HACD2: variants seen among roughly 807,000 people sequenced by gnomAD.
HACD2 encodes the protein very-long-chain (3R)-3-hydroxyacyl-CoA dehydratase 2.
Under a neutral mutation model 31.0 loss-of-function variants are expected in HACD2, and 15 were observed. That is an observed-to-expected ratio of 0.48 (90% CI 0.32 to 0.75). The LOEUF (loss-of-function observed/expected upper bound fraction) is 0.75, where lower values mean the gene tolerates loss of function less well. Ranked by LOEUF, HACD2 falls within the 30% of genes least tolerant of loss-of-function variation. The pLI, the probability that HACD2 is intolerant of heterozygous loss-of-function variation, is 0.03. For missense variants in HACD2, 283 were observed against 313.0 expected (o/e 0.90, Z 0.72); for synonymous variants, 115 against 122.2 (o/e 0.94, Z 0.39).
intron 3 of HACD2, among the ~76,000 whole-genome samples, chr3:123,550,367 T>C (rs539495296): frequency 5.3e-5 from 8 of 149,816 alleles, no homozygotes; most frequent in African/African-American, 1.5e-4. Flanking sequence ...AAAAGAGAAA[T>C]GGAGAAAATG....
At chr3:123,513,451 G>A (rs1404297849) in intron 4 of HACD2, among the ~76,000 whole-genome samples, 1 of 152,214 alleles carries the variant, frequency 6.6e-6, no homozygotes, top group Non-Finnish European at 1.5e-5. Flanking sequence ...GTCACCAGGA[G>A]TGGGAAGGGT....
intron 2 of HACD2, among the ~76,000 whole-genome samples, chr3:123,575,720 C>A (rs903962479): frequency 5.3e-5 from 8 of 152,210 alleles, no homozygotes; most frequent in African/African-American, 1.9e-4. Context: ...TATCCAGGAA[C>A]CTAATATTTC....
intron 3 of HACD2, among the ~76,000 whole-genome samples, chr3:123,567,233 C>T (rs2056801630): frequency 6.6e-6 from 1 of 152,094 alleles, no homozygotes; most frequent in Non-Finnish European, 1.5e-5. Context: ...GATGACTCGC[C>T]CCTCCCCACA....
At position 123,493,734 on chromosome 3, in the gene HACD2, C is replaced by G. The variant is rs2055796239; in HGVS notation, c.*1154G>C. On this transcript the variant is annotated 3_prime_UTR_variant, in exon 7 of 7. Coordinates refer to ENST00000383657, the MANE Select transcript of HACD2 (RefSeq NM_198402.5). ...ATTAGACAATGTCGGTAGTACCAAACTATTTCTTGGCTGCTCCAACATGCG... is the reference window on the plus strand; with the variant it reads ...ATTAGACAATGTCGGTAGTACCAAAGTATTTCTTGGCTGCTCCAACATGCG... 6.6e-6 allele frequency: 1 copy of G among 152,152 alleles called. No homozygotes were observed. The highest frequency in any genetic ancestry group is 6.5e-5 in the Admixed American group (1 of 15,280). The allele number at this position is 152,152 out of a possible 1,614,324, so 9.4% of individuals were successfully genotyped here.
At chr3:123,510,641 C>T (rs937614802) in intron 4 of HACD2, among the ~76,000 whole-genome samples, 31 of 152,138 alleles carry the variant, frequency 2.0e-4, no homozygotes, top group Admixed American at 4.6e-4. Context: ...TGTCATTGTA[C>T]GTATATACTA....
intron 3 of HACD2, among the ~76,000 whole-genome samples, chr3:123,550,715 C>T (rs1469671755): frequency 2.0e-5 from 3 of 152,112 alleles, no homozygotes; most frequent in Non-Finnish European, 4.4e-5. Flanking sequence ...TCTGTGGTGT[C>T]TGCAGAGGAA....
intron 3 of HACD2, among the ~76,000 whole-genome samples, chr3:123,530,471 C>T (rs1056985733): frequency 6.8e-6 from 1 of 146,694 alleles, no homozygotes. Context: ...TGCTGTGGGG[C>T]GATCTCAGCT....
intron 3 of HACD2, among the ~76,000 whole-genome samples, chr3:123,560,255 G>T (rs149259734): frequency 2.5e-3 from 383 of 152,320 alleles, no homozygotes; most frequent in African/African-American, 8.6e-3. Context: ...AGCTGGTCTG[G>T]TCTGAAGCGC....
intron 4 of HACD2, among the ~76,000 whole-genome samples, chr3:123,515,560 G>A (rs955755446): frequency 6.6e-6 from 1 of 152,056 alleles, no homozygotes; most frequent in Non-Finnish European, 1.5e-5. Flanking sequence ...TCAGCTGAGG[G>A]CTTGGGCTCG....
chr3:123,540,152 A>G (rs2056472775), intron 3 of HACD2, among the ~76,000 whole-genome samples: 1 of 151,360 alleles, frequency 6.6e-6, no homozygotes, highest in South Asian at 2.1e-4. Context: ...CCGTGTTCCT[A>G]TATATTAATG....
Position 123,507,993 on chromosome 3 carries a change from T to C in HACD2, c.382-5312A>G, listed in dbSNP as rs79043307. Among the ~76,000 whole-genome samples the C allele has an allele frequency of 0.025, 3,721 of 148,866 alleles. 239 individuals carry two copies. In the East Asian group the frequency reaches 0.26, roughly 10 times the overall value. On this transcript the variant is annotated intron_variant, in intron 4 of 6. Transcript: ENST00000383657. ...CTGTGCAACATAGTGAGACCCCCCC[T>C]CTCTTAAAAAAAGAAAAAAAAAGGA...
At chr3:123,515,495 C>T (rs1010437092) in intron 4 of HACD2, among the ~76,000 whole-genome samples, 1 of 152,094 alleles carries the variant, frequency 6.6e-6, no homozygotes, top group Non-Finnish European at 1.5e-5. Flanking sequence ...GCTGGAACAG[C>T]CTTGGGTGGG....
chr3:123,500,100 G>A (rs2055883962), intron 6 of HACD2, among the ~76,000 whole-genome samples: 1 of 152,174 alleles, frequency 6.6e-6, no homozygotes, highest in Admixed American at 6.5e-5. Flanking sequence ...GAAGTTAAAT[G>A]TCTATTTTGA....
At chr3:123,509,957 T>A (rs1347143903) in intron 4 of HACD2, among the ~76,000 whole-genome samples, 1 of 152,196 alleles carries the variant, frequency 6.6e-6, no homozygotes, top group African/African-American at 2.4e-5. Flanking sequence ...CATCTTACCA[T>A]CATTTTAATA....
chr3:123,559,800 C>T (rs1327067814), intron 3 of HACD2, among the ~76,000 whole-genome samples: 2 of 152,204 alleles, frequency 1.3e-5, no homozygotes, highest in African/African-American at 4.8e-5. Context: ...CTCTTCATAG[C>T]TTTCCCTTCT....
chr3:123,495,101 A>C (rs1377477838), intron 6 of HACD2, 131 bp from the exon 7 acceptor site: 2 of 634,482 alleles, frequency 3.2e-6, no homozygotes, highest in African/African-American at 3.7e-5. Flanking sequence ...AAGGTAACAA[A>C]GTGGGCTTGG....
At position 123,584,863 on chromosome 3, in the gene HACD2, C is replaced by T. The variant is rs941540322; in HGVS notation, c.155+10G>A. On this transcript the variant is annotated intron_variant, in intron 1 of 6. Coordinates refer to ENST00000383657, the MANE Select transcript of HACD2 (RefSeq NM_198402.5). ...CGCTGGCTCCCCGCCTCCCCGAGCC[C>T]CAGCCTCACCCGGCTGTCATCACCA... 32 of 1,496,072 alleles carry T rather than the reference C, an allele frequency of 2.1e-5. No homozygotes were observed. In the African/African-American group the frequency reaches 3.8e-4, roughly 18 times the overall value. 92.7% of individuals were successfully genotyped at this position (1,496,072 alleles called of 1,614,324 possible). A position where few individuals can be genotyped will look rare whatever the true frequency, so the allele number is the denominator to read the frequency against.
At chr3:123,580,040 G>A (rs990292299) in intron 2 of HACD2, among the ~76,000 whole-genome samples, 4 of 152,036 alleles carry the variant, frequency 2.6e-5, no homozygotes, top group Non-Finnish European at 5.9e-5. Context: ...CCAGCTGGAA[G>A]CTCATTTCAT....
At chr3:123,524,547 T>C (rs969292356) in intron 4 of HACD2, among the ~76,000 whole-genome samples, 1 of 152,226 alleles carries the variant, frequency 6.6e-6, no homozygotes, top group Non-Finnish European at 1.5e-5. Flanking sequence ...AATGTGAATA[T>C]GGCATGGTGG....
Sources: gnomAD v4.1 joint callset for allele counts (sites outside exome capture counted in the v4.1 genomes callset) on GRCh38, gnomAD v4.1.1 for gene constraint, MANE v1.5 for transcripts, NCBI Gene and HGNC (gene_info 2026-07-23, HGNC 2026-07-21) for gene names.